C18orf32: variants seen among roughly 807,000 people sequenced by gnomAD.
C18orf32 encodes the protein UPF0729 protein C18orf32.
C18orf32 carries 5 observed loss-of-function variants against 7.4 expected under a neutral mutation model. The ratio of observed to expected loss-of-function variants is 0.68; its 90% CI spans 0.35 to 1.42. C18orf32 has a LOEUF of 1.42. C18orf32 is among the 40% of genes most tolerant of loss of function. C18orf32 has a pLI of 0.04. For missense variants in C18orf32, 88 were observed against 92.4 expected, an observed-to-expected ratio of 0.95 and a Z score of 0.19; for synonymous variants, 30 against 29.3, an observed-to-expected ratio of 1.02 and a Z score of -0.08.
chr18:49,484,602 A>G (rs1430447840), intron 1 of C18orf32: 1 of 151,786 alleles, frequency 6.6e-6, no homozygotes, highest in Non-Finnish European at 1.5e-5. Flanking sequence ...TAAAGAAATA[A>G]TAGGTGGTAG....
chr18:49,485,586 A>G (rs1023583350), intron 1 of C18orf32, among the ~76,000 whole-genome samples: 10 of 152,116 alleles, frequency 6.6e-5, no homozygotes, highest in African/African-American at 2.2e-4. Flanking sequence ...AAAATAAAAT[A>G]AAATCAATTG....
At position 49,482,403 on chromosome 18, in the gene C18orf32, T is replaced by C. The variant is rs1266063752; in HGVS notation, c.173A>G (p.Asp58Gly). The C allele has an allele frequency of 1.2e-6, 2 of 1,610,632 alleles. No homozygotes were observed. The highest frequency in any genetic ancestry group is 2.7e-5 in the African/African-American group (2 of 74,814). The stretch of plus-strand genomic sequence containing the variant: ...TCCTTTTGTTGGTAATCCATTCATG[T>C]CTGCACCCTAAAATGAAAAAACATT... ...NKGKVNFKGA[D>G]MNGLPTKGPT... Residue 58 changes from aspartate to glycine, a missense_variant, in exon 3 of 3, where the codon GAC becomes GGC. Physicochemically the swap from Asp to Gly is moderately conservative, Grantham distance 94. Transcript: ENST00000318240.
intron 1 of C18orf32, among the ~76,000 whole-genome samples, chr18:49,485,778 T>C (rs1004677810): frequency 9.2e-5 from 14 of 152,018 alleles, no homozygotes; most frequent in African/African-American, 3.1e-4. Context: ...TGCGCCACGA[T>C]GCCCGACAGA....
chr18:49,481,996 G>A lies in C18orf32; in HGVS notation c.*349C>T, dbSNP rs537540902. 1 of 221,678 alleles carries A rather than the reference G, an allele frequency of 4.5e-6. No homozygotes were observed. The highest frequency in any genetic ancestry group is 2.4e-5 in the African/African-American group (1 of 42,232). The allele number at this position is 221,678 out of a possible 1,614,324, so 13.7% of individuals were successfully genotyped here. A position where few individuals can be genotyped will look rare whatever the true frequency, so the allele number is the denominator to read the frequency against. On this transcript the variant is annotated 3_prime_UTR_variant, in exon 3 of 3. Coordinates refer to ENST00000318240, the MANE Select transcript of C18orf32 (RefSeq NM_001035005.4). The stretch of plus-strand genomic sequence containing the variant: ...AAATTAGAAGAGCCCAAAGAAATTA[G>A]AGCAAACAGCAAATTCATATGAATT...
At chr18:49,483,023 T>C (rs945147208) in intron 2 of C18orf32, among the ~76,000 whole-genome samples, 4 of 152,026 alleles carry the variant, frequency 2.6e-5, no homozygotes, top group African/African-American at 9.7e-5. Context: ...GGTCTCAAAC[T>C]CCTGACCTCA....
chr18:49,484,078 G>A (rs1238341458), intron 1 of C18orf32, among the ~76,000 whole-genome samples: 1 of 149,282 alleles, frequency 6.7e-6, no homozygotes, highest in Non-Finnish European at 1.5e-5. Flanking sequence ...GCAGTGAGCC[G>A]TGTTCATGCC....
rs1310491008 is a variant in C18orf32 at position 49,478,912 on chromosome 18, T to A, written c.*3433A>T. On this transcript the variant is annotated 3_prime_UTR_variant, in exon 3 of 3. Coordinates refer to ENST00000318240, the MANE Select transcript of C18orf32 (RefSeq NM_001035005.4). ...CTATTTTTGTCCACTATTCCCATGT[T>A]CTTTTTCACTCTTCTGGTGTCAAAC... The A allele has an allele frequency of 7.1e-6, 1 of 140,900 alleles. No homozygotes were observed. Among genetic ancestry groups the A allele is most frequent in the Non-Finnish European group, 1.5e-5 (1 of 67,938 alleles). 8.7% of individuals were successfully genotyped at this position (140,900 alleles called of 1,614,324 possible). A position where few individuals can be genotyped will look rare whatever the true frequency, so the allele number is the denominator to read the frequency against.
In C18orf32 at chr18:49,480,876, C is replaced by G. The variant is rs1410771383; in HGVS notation, c.*1469G>C. 6.6e-6 allele frequency: 1 copy of G among 152,140 alleles called. No individual in the cohort carries two copies. The highest frequency in any genetic ancestry group is 1.5e-5 in the Non-Finnish European group (1 of 68,032). The allele number at this position is 152,140 out of a possible 1,614,324, so 9.4% of individuals were successfully genotyped here. On this transcript the variant is annotated 3_prime_UTR_variant, in exon 3 of 3. Transcript: ENST00000318240. ...AATCAACTGGGGCGGACTCTGGATGCACTGCCTATGAATTAGCCTTGCTCC... is the reference window on the plus strand; with the variant it reads ...AATCAACTGGGGCGGACTCTGGATGGACTGCCTATGAATTAGCCTTGCTCC...
rs1450956021 is a variant in C18orf32 at position 49,481,815 on chromosome 18, ATAG to A, written c.*527_*529del. ...TTTTTAATCTTCCTTAGAGCAATAA[ATAG>A]TAATTACTATATTTGTGGACAAGCT... On this transcript the variant is annotated 3_prime_UTR_variant, in exon 3 of 3. Coordinates refer to ENST00000318240, the MANE Select transcript of C18orf32 (RefSeq NM_001035005.4). 6.6e-6 allele frequency: 1 copy of A among 152,544 alleles called. No individual in the cohort carries two copies. Among genetic ancestry groups the A allele is most frequent in the African/African-American group, 2.4e-5 (1 of 41,560 alleles). The allele number at this position is 152,544 out of a possible 1,614,324, so 9.4% of individuals were successfully genotyped here. A position where few individuals can be genotyped will look rare whatever the true frequency, so the allele number is the denominator to read the frequency against.
At chr18:49,486,143 T>A (rs116167175) in intron 1 of C18orf32, 1 of 151,090 alleles carries the variant, frequency 6.6e-6, no homozygotes, top group East Asian at 1.9e-4. Context: ...CAGAGGTAAC[T>A]GGTAACTAGA....
chr18:49,480,727 T>C lies in C18orf32; in HGVS notation c.*1618A>G, dbSNP rs2083653624. The stretch of plus-strand genomic sequence containing the variant: ...TCGAGGCCATAGAGAGCCGTGATCA[T>C]GCTGCTGCACTCCAGCTTGAGTGAC... On this transcript the variant is annotated 3_prime_UTR_variant, in exon 3 of 3. Coordinates refer to ENST00000318240, the MANE Select transcript of C18orf32 (RefSeq NM_001035005.4). 1 of 152,260 alleles carries C rather than the reference T, an allele frequency of 6.6e-6. No homozygotes were observed. Among genetic ancestry groups the C allele is most frequent in the Non-Finnish European group, 1.5e-5 (1 of 68,058 alleles). 9.4% of individuals were successfully genotyped at this position (152,260 alleles called of 1,614,324 possible).
chr18:49,479,718 A>G lies in C18orf32; in HGVS notation c.*2627T>C, dbSNP rs1203573514. ...CTTGCAGAGAGAGGGCCAAGGGAATAAACACTCTGCCTTCATTCTCCTCCC... is the reference window on the plus strand; with the variant it reads ...CTTGCAGAGAGAGGGCCAAGGGAATGAACACTCTGCCTTCATTCTCCTCCC... On this transcript the variant is annotated 3_prime_UTR_variant, in exon 3 of 3. Coordinates refer to ENST00000318240, the MANE Select transcript of C18orf32 (RefSeq NM_001035005.4). 1 of 152,298 alleles carries G rather than the reference A, an allele frequency of 6.6e-6. No homozygotes were observed. The highest frequency in any genetic ancestry group is 1.9e-4 in the East Asian group (1 of 5,200). 9.4% of individuals were successfully genotyped at this position (152,298 alleles called of 1,614,324 possible).
chr18:49,481,320 G>C lies in C18orf32; in HGVS notation c.*1025C>G, dbSNP rs150245747. 2 of 152,244 alleles carry C rather than the reference G, an allele frequency of 1.3e-5. No individual in the cohort carries two copies. Among genetic ancestry groups the C allele is most frequent in the East Asian group, 3.9e-4 (2 of 5,184 alleles). The allele number at this position is 152,244 out of a possible 1,614,324, so 9.4% of individuals were successfully genotyped here. On this transcript the variant is annotated 3_prime_UTR_variant, in exon 3 of 3. Transcript: ENST00000318240. ...TTCCTTTTAATCTTTCCCAGCTTCA[G>C]AGTGAATACAAAAAATATATAAGGA...
At chr18:49,483,426 C>G (rs1014066507) in intron 2 of C18orf32, among the ~76,000 whole-genome samples, 158 bp downstream of exon 2, 2 of 152,160 alleles carry the variant, frequency 1.3e-5, no homozygotes, top group Non-Finnish European at 2.9e-5. Flanking sequence ...AGGACAAATG[C>G]ATTAATCAGA....
At chr18:49,483,858 T>C (rs903062308) in intron 1 of C18orf32, 87 bp from the exon 2 acceptor site, 20 of 1,475,594 alleles carry the variant, frequency 1.4e-5, no homozygotes, top group African/African-American at 7.2e-5. Context: ...TGAAAGGGGA[T>C]AGATGTGGTG....
chr18:49,483,844 T>C (rs1012008560), intron 1 of C18orf32, 73 bp from the exon 2 acceptor site: 2 of 1,526,836 alleles, frequency 1.3e-6, no homozygotes, highest in African/African-American at 1.4e-5. Flanking sequence ...AAGATTAAGA[T>C]ATCTGAAAGG....
intron 1 of C18orf32, among the ~76,000 whole-genome samples, chr18:49,484,995 T>C (rs1192221818): frequency 6.6e-6 from 1 of 151,696 alleles, no homozygotes; most frequent in African/African-American, 2.4e-5. Flanking sequence ...GGGGGAAGAA[T>C]TGCTTGAACC....
At chr18:49,486,757 T>G (rs2083756859) in intron 1 of C18orf32, 1 of 152,070 alleles carries the variant, frequency 6.6e-6, no homozygotes, top group Admixed American at 6.6e-5. Flanking sequence ...GTCACCTTCC[T>G]CCAAGTCATC....
In C18orf32 at chr18:49,481,999, C is replaced by G. The variant is rs189891471; in HGVS notation, c.*346G>C. ...TTAGAAGAGCCCAAAGAAATTAGAG[C>G]AAACAGCAAATTCATATGAATTAGA... On this transcript the variant is annotated 3_prime_UTR_variant, in exon 3 of 3. Coordinates refer to ENST00000318240, the MANE Select transcript of C18orf32 (RefSeq NM_001035005.4). 116 of 220,404 alleles carry G rather than the reference C, an allele frequency of 5.3e-4. No individual in the cohort carries two copies. Among genetic ancestry groups the G allele is most frequent in the African/African-American group, 2.6e-3 (109 of 42,242 alleles). 13.7% of individuals were successfully genotyped at this position (220,404 alleles called of 1,614,324 possible).
Sources: gnomAD v4.1 joint callset for allele counts (sites outside exome capture counted in the v4.1 genomes callset) on GRCh38, gnomAD v4.1.1 for gene constraint, MANE v1.5 for transcripts, NCBI Gene and HGNC (gene_info 2026-07-23, HGNC 2026-07-21) for gene names.